The following SYT1 variants were observed in gnomAD, a reference collection of about 807,000 sequenced individuals.
The protein encoded by SYT1 is synaptotagmin 1.
SYT1 carries 8 observed loss-of-function variants against 44.8 expected under a neutral mutation model. The ratio of observed to expected loss-of-function variants is 0.18; its 90% CI spans 0.10 to 0.32. SYT1 has a LOEUF of 0.32. Ranked by LOEUF, SYT1 falls within the 10% of genes least tolerant of loss-of-function variation. SYT1 has a pLI of 1.00. For synonymous variants in SYT1, 154 were observed against 188.8 expected (o/e 0.82, Z 1.51); for missense variants, 286 against 509.3 (o/e 0.56, Z 4.22).
intron 4 of SYT1, among the ~76,000 whole-genome samples, chr12:79,275,402 T>A (rs571182075): frequency 1.3e-5 from 2 of 152,028 alleles, no homozygotes; most frequent in Non-Finnish European, 2.9e-5. Context: ...TCTGGAACAT[T>A]TGGGGGTGAC....
At chr12:79,123,672 C>T (rs1565816551) in intron 3 of SYT1, among the ~76,000 whole-genome samples, 1 of 152,104 alleles carries the variant, frequency 6.6e-6, no homozygotes, top group Non-Finnish European at 1.5e-5. Context: ...AAAATTGAAG[C>T]ATTTTACATT....
chr12:79,329,391 C>T (rs1043355144), intron 8 of SYT1, among the ~76,000 whole-genome samples: 15 of 152,204 alleles, frequency 9.9e-5, no homozygotes, highest in African/African-American at 2.9e-4. Flanking sequence ...AATTAATATA[C>T]TGAAAATATA....
intron 3 of SYT1, among the ~76,000 whole-genome samples, chr12:79,123,349 G>GTGTGTGTGTGTGTT (rs1223360739): frequency 6.7e-6 from 1 of 148,406 alleles, no homozygotes; most frequent in African/African-American, 2.6e-5. Flanking sequence ...GTGTGTGTGT[G>GTGTGTGTGTGTGTT]TGTTTAGCTA....
At chr12:79,402,417 T>A (rs1014571423) in intron 9 of SYT1, among the ~76,000 whole-genome samples, 1 of 152,172 alleles carries the variant, frequency 6.6e-6, no homozygotes, top group Non-Finnish European at 1.5e-5. Flanking sequence ...ACAGTAGTTA[T>A]CTAGGATTGA....
intron 3 of SYT1, among the ~76,000 whole-genome samples, chr12:79,073,570 G>A (rs772186044): frequency 9.9e-5 from 15 of 152,064 alleles, no homozygotes; most frequent in Non-Finnish European, 1.2e-4. Flanking sequence ...CCAAGCCACC[G>A]GAGTCTTCCT....
At chr12:79,083,941 A>G (rs1414242396) in intron 3 of SYT1, among the ~76,000 whole-genome samples, 2 of 152,134 alleles carry the variant, frequency 1.3e-5, no homozygotes, top group Non-Finnish European at 2.9e-5. Flanking sequence ...ACAATGGAAG[A>G]TTCACAAATG....
At chr12:79,026,657 CATATATATTTTATATATATATATATATAT>C (rs1169834092) in intron 2 of SYT1, among the ~76,000 whole-genome samples, 4 of 89,076 alleles carry the variant, frequency 4.5e-5, no homozygotes, top group South Asian at 4.3e-4. Flanking sequence ...TGTGTATATA[CATATATATTTTATATATATATATATATAT>C]ATATATATAT....
intron 8 of SYT1, among the ~76,000 whole-genome samples, chr12:79,323,028 A>G (rs1451721666): frequency 1.3e-5 from 2 of 152,170 alleles, no homozygotes; most frequent in Admixed American, 1.3e-4. Context: ...ACAGCCCTGT[A>G]ATTCATCAAA....
Position 79,076,654 on chromosome 12 carries a change from G to A in SYT1, c.-18+29292G>A, listed in dbSNP as rs190068800. On this transcript the variant is annotated intron_variant, in intron 3 of 10. Transcript: ENST00000261205. ...GAGCATATTTATAAGAATATAAATT[G>A]TTGAGGCAGGGTGCGGTGGCTCACA... 3.3e-5 allele frequency among the ~76,000 whole-genome samples: 5 copies of A among 152,214 alleles called. No homozygotes were observed. The East Asian group carries it at 9.7e-4, about 29-fold the overall frequency.
At chr12:78,883,333 A>G (rs1037576748) in intron 1 of SYT1, among the ~76,000 whole-genome samples, 2 of 151,724 alleles carry the variant, frequency 1.3e-5, no homozygotes, top group East Asian at 1.9e-4. Context: ...TTTGGTGGAT[A>G]TCACTGAAGT....
chr12:79,136,541 A>AT (rs1869202771), intron 3 of SYT1, among the ~76,000 whole-genome samples: 1 of 152,190 alleles, frequency 6.6e-6, no homozygotes, highest in Admixed American at 6.5e-5. Flanking sequence ...TTTGTACTAC[A>AT]TATTACTATT....
intron 8 of SYT1, among the ~76,000 whole-genome samples, chr12:79,352,328 A>G (rs907111520): frequency 6.6e-6 from 1 of 152,112 alleles, no homozygotes; most frequent in Non-Finnish European, 1.5e-5. Flanking sequence ...TAGTCATAAT[A>G]AGGGTATTAC....
chr12:79,360,013 C>T (rs1002746607), intron 9 of SYT1, among the ~76,000 whole-genome samples: 7 of 152,150 alleles, frequency 4.6e-5, no homozygotes, highest in Non-Finnish European at 1.0e-4. Context: ...TCAAACCAAG[C>T]TGTGACTGAG....
At chr12:79,359,829 T>C in intron 9 of SYT1, among the ~76,000 whole-genome samples, 1 of 152,130 alleles carries the variant, frequency 6.6e-6, no homozygotes, top group East Asian at 1.9e-4. Context: ...TTGAGATCAT[T>C]TAGGAAAGAG....
At chr12:79,337,556 A>C (rs1882151024) in intron 8 of SYT1, among the ~76,000 whole-genome samples, 1 of 152,346 alleles carries the variant, frequency 6.6e-6, no homozygotes, top group Admixed American at 6.5e-5. Flanking sequence ...AAGTCCTTGC[A>C]GTCATTGAGT....
intron 4 of SYT1, among the ~76,000 whole-genome samples, chr12:79,225,943 G>A (rs897407911): frequency 6.6e-6 from 1 of 152,084 alleles, no homozygotes; most frequent in Non-Finnish European, 1.5e-5. Flanking sequence ...GAAATATCAT[G>A]TATTTTATTA....
At chr12:79,088,419 G>T (rs527943145) in intron 3 of SYT1, among the ~76,000 whole-genome samples, 1 of 152,048 alleles carries the variant, frequency 6.6e-6, no homozygotes, top group Admixed American at 6.6e-5. Context: ...GACATGCCAC[G>T]CACTGTTTTA....
chr12:79,006,433 G>A (rs924656140), intron 2 of SYT1, among the ~76,000 whole-genome samples: 3 of 152,082 alleles, frequency 2.0e-5, no homozygotes, highest in Non-Finnish European at 2.9e-5. Flanking sequence ...AGCAGAAGCA[G>A]CAGTGACTGT....
At chr12:79,294,657 A>G (rs1279016841) in intron 6 of SYT1, among the ~76,000 whole-genome samples, 1 of 152,246 alleles carries the variant, frequency 6.6e-6, no homozygotes, top group South Asian at 2.1e-4. Flanking sequence ...TTTCTGCTCA[A>G]AAGAAAATTG....
Sources: gnomAD v4.1 joint callset for allele counts (sites outside exome capture counted in the v4.1 genomes callset) on GRCh38, gnomAD v4.1.1 for gene constraint, MANE v1.5 for transcripts, NCBI Gene and HGNC (gene_info 2026-07-23, HGNC 2026-07-21) for gene names.